Variants in GLIPR1L2 observed in about 807,000 individuals in gnomAD.
GLIPR1L2 encodes GLIPR1-like protein 2.
A neutral mutation model predicts 28.4 loss-of-function variants in GLIPR1L2; 21 were observed. That is an observed-to-expected ratio of 0.74 (90% CI 0.52 to 1.06). The LOEUF is 1.06. Among genes scored for constraint, GLIPR1L2 ranks in the 50% least tolerant of loss-of-function variants. The probability of loss-of-function intolerance (pLI) is 0.00; values close to 1 mark genes in which losing one functional copy is unlikely to be tolerated. For missense variants in GLIPR1L2, 476 were observed against 416.9 expected (o/e 1.14, Z -1.23); for synonymous variants, 145 against 139.3 (o/e 1.04, Z -0.29).
At chr12:75,398,221 C>G (rs2045701632) in intron 1 of GLIPR1L2, among the ~76,000 whole-genome samples, 1 of 148,408 alleles carries the variant, frequency 6.7e-6, no homozygotes, top group African/African-American at 2.5e-5. Context: ...CCTAGCTACT[C>G]CGAAGGCTGA....
At chr12:75,420,707 T>C (rs568162392) in intron 3 of GLIPR1L2, among the ~76,000 whole-genome samples, 36 of 152,308 alleles carry the variant, frequency 2.4e-4, no homozygotes, top group African/African-American at 8.2e-4. Context: ...ATAATTCCAA[T>C]TGAAGTTGGG....
At position 75,409,686 on chromosome 12, in the gene GLIPR1L2, T is replaced by C. The variant is rs1362422550; in HGVS notation, c.235-748T>C. ...TATGTAATCTGATATATATATAAGG[T>C]ATATATCTAATCCGATATATATATA... On this transcript the variant is annotated intron_variant, in intron 1 of 5. Transcript: ENST00000550916. Among the ~76,000 whole-genome samples the C allele has an allele frequency of 2.0e-5, 3 of 146,844 alleles. No individual in the cohort carries two copies. The South Asian group carries it at 6.3e-4, about 31-fold the overall frequency.
At chr12:75,402,131 A>G (rs928919534) in intron 1 of GLIPR1L2, among the ~76,000 whole-genome samples, 3 of 152,186 alleles carry the variant, frequency 2.0e-5, no homozygotes, top group African/African-American at 4.8e-5. Context: ...AATATTTATT[A>G]TGTCCAACCA....
intron 1 of GLIPR1L2, among the ~76,000 whole-genome samples, chr12:75,409,023 G>A (rs546672238): frequency 2.6e-5 from 4 of 152,116 alleles, no homozygotes; most frequent in African/African-American, 9.6e-5. Flanking sequence ...TCTAAGGCAA[G>A]CTTGTTCAAT....
chr12:75,404,919 A>T (rs543558929), intron 1 of GLIPR1L2, among the ~76,000 whole-genome samples: 28 of 152,290 alleles, frequency 1.8e-4, no homozygotes, highest in Admixed American at 5.2e-4. Context: ...AAGTAAGATA[A>T]ACTGCTAAAA....
At chr12:75,399,160 A>G (rs574159168) in intron 1 of GLIPR1L2, among the ~76,000 whole-genome samples, 26 of 152,224 alleles carry the variant, frequency 1.7e-4, no homozygotes, top group Non-Finnish European at 3.4e-4. Flanking sequence ...GTTATTGAAC[A>G]TATTAGATTT....
chr12:75,406,203 G>C (rs2045798115), intron 1 of GLIPR1L2, among the ~76,000 whole-genome samples: 1 of 151,510 alleles, frequency 6.6e-6, no homozygotes, highest in Non-Finnish European at 1.5e-5. Context: ...TTGTCATATT[G>C]GTTAAATAGA....
At chr12:75,392,743 A>G (rs2045641720) in intron 1 of GLIPR1L2, among the ~76,000 whole-genome samples, 2 of 152,102 alleles carry the variant, frequency 1.3e-5, no homozygotes, top group African/African-American at 2.4e-5. Context: ...TAAAAATTAT[A>G]TAGTATTTCA....
chr12:75,407,595 A>G (rs1019142265), intron 1 of GLIPR1L2, among the ~76,000 whole-genome samples: 3 of 152,110 alleles, frequency 2.0e-5, no homozygotes, highest in Non-Finnish European at 4.4e-5. Context: ...TGCACTGTTT[A>G]TCTTACACAT....
intron 3 of GLIPR1L2, among the ~76,000 whole-genome samples, chr12:75,413,965 A>G (rs2139948731): frequency 6.6e-6 from 1 of 152,194 alleles, no homozygotes; most frequent in African/African-American, 2.4e-5. Flanking sequence ...AGCATAAGAC[A>G]AATTATTTTC....
chr12:75,408,244 A>ATC (rs1335972286), intron 1 of GLIPR1L2, among the ~76,000 whole-genome samples: 1 of 152,056 alleles, frequency 6.6e-6, no homozygotes, highest in Non-Finnish European at 1.5e-5. Context: ...TAGTTGAATA[A>ATC]AAGAATTTGG....
At chr12:75,425,564 GT>G (rs2139964687) in intron 4 of GLIPR1L2, among the ~76,000 whole-genome samples, 1 of 152,316 alleles carries the variant, frequency 6.6e-6, no homozygotes, top group South Asian at 2.1e-4. Flanking sequence ...CAGCCCCTAA[GT>G]TGGCCAATTA....
chr12:75,393,398 C>G (rs1330329963), intron 1 of GLIPR1L2, among the ~76,000 whole-genome samples: 3 of 152,022 alleles, frequency 2.0e-5, no homozygotes, highest in African/African-American at 7.2e-5. Flanking sequence ...TTACTTTACT[C>G]TCCATCTCCC....
intron 1 of GLIPR1L2, among the ~76,000 whole-genome samples, chr12:75,395,177 T>C (rs1022639448): frequency 2.0e-5 from 3 of 152,082 alleles, no homozygotes; most frequent in African/African-American, 2.4e-5. Context: ...TGTCTACATA[T>C]AAGATGACTA....
chr12:75,429,817 A>G (rs2139970430), intron 4 of GLIPR1L2, among the ~76,000 whole-genome samples: 1 of 152,172 alleles, frequency 6.6e-6, no homozygotes, highest in African/African-American at 2.4e-5. Flanking sequence ...CCCTCCTGCC[A>G]CCATGTAAGA....
intron 1 of GLIPR1L2, among the ~76,000 whole-genome samples, chr12:75,397,532 T>C (rs1308463506): frequency 1.3e-5 from 2 of 152,206 alleles, no homozygotes; most frequent in South Asian, 2.1e-4. Flanking sequence ...AAAATAAATA[T>C]TGCTACAGAC....
intron 1 of GLIPR1L2, among the ~76,000 whole-genome samples, chr12:75,406,830 A>ACT (rs1051875089): frequency 6.0e-5 from 9 of 150,402 alleles, no homozygotes; most frequent in African/African-American, 2.2e-4. Flanking sequence ...CCTGACAAAG[A>ACT]CTCTCTCTCT....
intron 2 of GLIPR1L2, 34 bp downstream of exon 2, chr12:75,410,713 ACTT>A (rs749807454): frequency 2.1e-6 from 3 of 1,453,212 alleles, no homozygotes; most frequent in Non-Finnish European, 2.8e-6. Context: ...TAATTCAAAC[ACTT>A]CTTAATTGAT....
At chr12:75,425,985 C>A (rs2046030485) in intron 4 of GLIPR1L2, among the ~76,000 whole-genome samples, 2 of 152,186 alleles carry the variant, frequency 1.3e-5, no homozygotes, top group South Asian at 4.2e-4. Flanking sequence ...TAACTATGGA[C>A]TCAGTTTCAA....
Sources: allele counts gnomAD v4.1 joint callset (sites outside exome capture counted in the v4.1 genomes callset), GRCh38; gene constraint gnomAD v4.1.1; transcripts MANE v1.5; gene names NCBI Gene and HGNC (gene_info 2026-07-23, HGNC 2026-07-21).